PSD3: variants seen among roughly 807,000 people sequenced by gnomAD.
PSD3 encodes the protein pleckstrin and Sec7 domain containing 3, also known as PH and SEC7 domain-containing protein 3.
A neutral mutation model predicts 105.5 loss-of-function variants in PSD3; 49 were observed. That is an observed-to-expected ratio of 0.46 (90% CI 0.37 to 0.59). The LOEUF (loss-of-function observed/expected upper bound fraction) is 0.59. Among genes scored for constraint, PSD3 ranks in the 20% least tolerant of loss-of-function variants. The probability of loss-of-function intolerance (pLI) is 0.00; values close to 1 mark genes in which losing one functional copy is unlikely to be tolerated. For missense variants in PSD3, 1,561 were observed against 1,263.8 expected (o/e 1.24, Z -3.57); for synonymous variants, 557 against 457.8 (o/e 1.22, Z -2.77).
intron 1 of PSD3, among the ~76,000 whole-genome samples, chr8:19,048,068 A>G (rs1828388084): frequency 6.6e-6 from 1 of 152,172 alleles, no homozygotes; most frequent in African/African-American, 2.4e-5. Flanking sequence ...GTTCACATCC[A>G]AAGACTTCAA....
intron 4 of PSD3, among the ~76,000 whole-genome samples, chr8:18,859,377 G>A (rs1816264277): frequency 1.3e-5 from 2 of 152,028 alleles, no homozygotes; most frequent in South Asian, 4.2e-4. Context: ...AATTCTGAAG[G>A]GCCGTAGGAT....
intron 2 of PSD3, among the ~76,000 whole-genome samples, chr8:18,922,862 T>A (rs1300180887): frequency 6.6e-6 from 1 of 152,154 alleles, no homozygotes; most frequent in Non-Finnish European, 1.5e-5. Flanking sequence ...GGGCAAGGCA[T>A]GTGGGAGGGG....
Position 18,575,234 on chromosome 8 carries a change from C to T in PSD3, c.2533G>A (p.Val845Met). 5.6e-6 allele frequency: 9 copies of T among 1,613,362 alleles called. No individual in the cohort carries two copies. Among genetic ancestry groups the T allele is most frequent in the Non-Finnish European group, 7.6e-6 (9 of 1,179,606 alleles). Residue 845 changes from valine (V) to methionine (M), a missense_variant, in exon 13 of 16, where the codon GTG becomes ATG. Physicochemically the swap from Val to Met is conservative, Grantham distance 21. Coordinates refer to ENST00000327040, the MANE Select transcript of PSD3 (RefSeq NM_015310.4). ...GATGCCAATGCGTGGTGCACACTCA[C>T]AGCGTTTTTCAAGTCCTCTTCAGAC... ...ALSEEDLKNA[V>M]SVHHALASKA...
chr8:18,735,176 G>C (rs1158372304), intron 9 of PSD3, among the ~76,000 whole-genome samples: 2 of 152,166 alleles, frequency 1.3e-5, no homozygotes, highest in African/African-American at 2.4e-5. Flanking sequence ...CTGATCATCA[G>C]TGGGGCTGTA....
At chr8:18,626,828 C>T (rs1360979635) in intron 11 of PSD3, among the ~76,000 whole-genome samples, 2 of 152,028 alleles carry the variant, frequency 1.3e-5, no homozygotes, top group East Asian at 1.9e-4. Flanking sequence ...CAGGATTAGA[C>T]GGGAAGGAAA....
intron 8 of PSD3, among the ~76,000 whole-genome samples, chr8:18,791,917 C>G (rs1796007676): frequency 6.6e-6 from 1 of 151,990 alleles, no homozygotes; most frequent in South Asian, 2.1e-4. Context: ...GCAAAGGACA[C>G]AAAGAGACAC....
intron 9 of PSD3, among the ~76,000 whole-genome samples, chr8:18,722,246 A>T (rs1803032755): frequency 6.6e-6 from 1 of 152,120 alleles, no homozygotes; most frequent in South Asian, 2.1e-4. Context: ...CAGAGTCTTA[A>T]GAGATTCCCT....
intron 11 of PSD3, among the ~76,000 whole-genome samples, chr8:18,603,470 G>A (rs1469031612): frequency 6.6e-6 from 1 of 151,984 alleles, no homozygotes; most frequent in Non-Finnish European, 1.5e-5. Flanking sequence ...AGGGTCTTTT[G>A]GTGGCCAATC....
rs1223831955 is a variant in PSD3, at chr8:18,991,337, AACAC to A, written c.21+22222_21+22225del. ...CGGACAATAATCTTGGGCAACAGAA[AACAC>A]ACACACACACATACACACACACACA... On this transcript the variant is annotated intron_variant, in intron 1 of 15. Transcript: ENST00000327040. 5.8e-4 allele frequency among the ~76,000 whole-genome samples: 61 copies of A among 105,818 alleles called. No individual in the cohort carries two copies. In the South Asian group the frequency reaches 0.016, roughly 29 times the overall value. The allele number at this position is 105,818 out of a possible 152,430, so 69.4% of individuals were successfully genotyped here. A position where few individuals can be genotyped will look rare whatever the true frequency, so the allele number is the denominator to read the frequency against.
intron 9 of PSD3, among the ~76,000 whole-genome samples, chr8:18,709,883 G>T (rs1802141816): frequency 6.6e-6 from 1 of 152,178 alleles, no homozygotes; most frequent in Non-Finnish European, 1.5e-5. Flanking sequence ...ACAAAGATTA[G>T]AAAGAATCAA....
chr8:18,863,182 C>T (rs1457282212), intron 4 of PSD3, among the ~76,000 whole-genome samples: 2 of 152,178 alleles, frequency 1.3e-5, no homozygotes, highest in Non-Finnish European at 2.9e-5. Flanking sequence ...CTGTCCAAAC[C>T]CAAGTTCAAT....
intron 2 of PSD3, among the ~76,000 whole-genome samples, chr8:18,907,336 T>C (rs1819911268): frequency 6.6e-6 from 1 of 152,126 alleles, no homozygotes; most frequent in African/African-American, 2.4e-5. Flanking sequence ...CATTGTTTCA[T>C]TTTATTTATT....
At chr8:18,838,802 AAATAATAATAATAATAATAATAATAAT>A (rs55792203) in intron 4 of PSD3, among the ~76,000 whole-genome samples, 1 of 131,870 alleles carries the variant, frequency 7.6e-6, no homozygotes, top group Non-Finnish European at 1.6e-5. Flanking sequence ...ACTCCGTCTC[AAATAATAATAATAATAATAATAATAAT>A]AATAATAATA....
chr8:18,580,120 T>G (rs1180947131), intron 12 of PSD3, among the ~76,000 whole-genome samples: 2 of 152,096 alleles, frequency 1.3e-5, no homozygotes, highest in Non-Finnish European at 2.9e-5. Flanking sequence ...GGCGTCTTTC[T>G]AAAACTCATT....
chr8:18,773,362 GTTCCACAC>G, intron 8 of PSD3, among the ~76,000 whole-genome samples: 2 of 152,238 alleles, frequency 1.3e-5, no homozygotes, highest in South Asian at 4.1e-4. Flanking sequence ...CCTTATGCCA[GTTCCACAC>G]TATTTTGACT....
intron 2 of PSD3, among the ~76,000 whole-genome samples, chr8:18,881,078 T>C (rs1818071424): frequency 6.6e-6 from 1 of 152,244 alleles, no homozygotes; most frequent in African/African-American, 2.4e-5. Context: ...TCAGAGACTT[T>C]ATCTGCGGCT....
chr8:18,581,326 T>C (rs1281311634), intron 12 of PSD3, among the ~76,000 whole-genome samples: 1 of 152,198 alleles, frequency 6.6e-6, no homozygotes, highest in Non-Finnish European at 1.5e-5. Flanking sequence ...CACATTCCCA[T>C]AGTAATAATT....
chr8:18,907,685 T>A (rs995503502), intron 2 of PSD3, among the ~76,000 whole-genome samples: 2 of 152,240 alleles, frequency 1.3e-5, no homozygotes, highest in African/African-American at 4.8e-5. Flanking sequence ...TACACTCTGG[T>A]GTTCAAACAA....
chr8:18,553,180 A>C (rs1305031159), intron 15 of PSD3, among the ~76,000 whole-genome samples: 3 of 152,224 alleles, frequency 2.0e-5, no homozygotes, highest in African/African-American at 7.2e-5. Context: ...TTCCTTACCA[A>C]GGACTTGTGA....
Sources: gnomAD v4.1 joint callset for allele counts (sites outside exome capture counted in the v4.1 genomes callset) on GRCh38, gnomAD v4.1.1 for gene constraint, MANE v1.5 for transcripts, NCBI Gene and HGNC (gene_info 2026-07-23, HGNC 2026-07-21) for gene names.